KCNIP1: variants seen among roughly 807,000 people sequenced by gnomAD.
KCNIP1 encodes A-type potassium channel modulatory protein KCNIP1.
Under a neutral mutation model 33.0 loss-of-function variants are expected in KCNIP1, and 18 were observed. The observed-to-expected ratio is 0.55, with a 90% CI of 0.38 to 0.81. The LOEUF is 0.81. Among genes scored for constraint, KCNIP1 ranks in the 30% least tolerant of loss-of-function variants. The pLI is 0.00. For missense variants in KCNIP1, 238 were observed against 271.6 expected (o/e 0.88, Z 0.87); for synonymous variants, 93 against 98.3 (o/e 0.95, Z 0.32).
intron 5 of KCNIP1, among the ~76,000 whole-genome samples, chr5:170,732,173 C>A (rs142322427): frequency 1.6e-4 from 25 of 152,320 alleles, no homozygotes; most frequent in East Asian, 1.5e-3. Flanking sequence ...GAAACCAGGT[C>A]AAACATCCCA....
At chr5:170,694,083 G>C (rs934423469) in intron 1 of KCNIP1, among the ~76,000 whole-genome samples, 2 of 152,162 alleles carry the variant, frequency 1.3e-5, no homozygotes, top group Non-Finnish European at 2.9e-5. Flanking sequence ...AAGTGCTCCA[G>C]CCAAAGACCC....
At chr5:170,577,445 C>A (rs959626536) in intron 1 of KCNIP1, among the ~76,000 whole-genome samples, 1 of 152,158 alleles carries the variant, frequency 6.6e-6, no homozygotes, top group African/African-American at 2.4e-5. Flanking sequence ...AAAGCTGGAG[C>A]GGATGAGAAA....
intron 1 of KCNIP1, chr5:170,377,468 T>C (rs552204333): frequency 2.0e-5 from 3 of 152,358 alleles, no homozygotes; most frequent in Admixed American, 6.5e-5. Context: ...AAATCTGAGA[T>C]AGGCTTCCCC....
At chr5:170,728,755 G>A (rs969512430) in intron 5 of KCNIP1, among the ~76,000 whole-genome samples, 2 of 151,902 alleles carry the variant, frequency 1.3e-5, no homozygotes, top group African/African-American at 2.4e-5. Context: ...ATTTTATTTT[G>A]AATCAAAATG....
chr5:170,390,609 G>T (rs1177256975), intron 1 of KCNIP1, among the ~76,000 whole-genome samples: 1 of 150,014 alleles, frequency 6.7e-6, no homozygotes, highest in Non-Finnish European at 1.5e-5. Flanking sequence ...GTGGTAGAAG[G>T]CAGCTTATCT....
intron 1 of KCNIP1, among the ~76,000 whole-genome samples, chr5:170,384,820 T>G (rs1057147371): frequency 5.9e-5 from 9 of 152,258 alleles, no homozygotes; most frequent in Non-Finnish European, 2.9e-5. Context: ...AAGCAGATGC[T>G]GGCTCAATGC....
At chr5:170,444,987 T>C (rs907505781) in intron 1 of KCNIP1, among the ~76,000 whole-genome samples, 7 of 152,190 alleles carry the variant, frequency 4.6e-5, no homozygotes, top group Admixed American at 1.3e-4. Context: ...TCCAATTATT[T>C]TGATGGAAGT....
chr5:170,639,951 A>G (rs1760473433), intron 1 of KCNIP1, among the ~76,000 whole-genome samples: 1 of 152,282 alleles, frequency 6.6e-6, no homozygotes, highest in African/African-American at 2.4e-5. Flanking sequence ...TCAAGAAATC[A>G]GGAAGAACCT....
chr5:170,532,122 A>T (rs1755810036), intron 1 of KCNIP1, among the ~76,000 whole-genome samples: 1 of 152,220 alleles, frequency 6.6e-6, no homozygotes, highest in Admixed American at 6.5e-5. Flanking sequence ...ATTTAAGCTG[A>T]CCTAAATCCT....
intron 1 of KCNIP1, among the ~76,000 whole-genome samples, chr5:170,446,989 T>G (rs1158942875): frequency 2.6e-5 from 4 of 152,260 alleles, no homozygotes; most frequent in African/African-American, 7.2e-5. Context: ...TTAGGTTTAT[T>G]TTCATTCTTC....
chr5:170,391,916 C>A (rs987397654), intron 1 of KCNIP1, among the ~76,000 whole-genome samples: 2 of 152,316 alleles, frequency 1.3e-5, no homozygotes, highest in Middle Eastern at 6.8e-3. Context: ...ATTCCATGTG[C>A]CCTTTTCACA....
At chr5:170,592,054 A>G (rs1224864729) in intron 1 of KCNIP1, among the ~76,000 whole-genome samples, 1 of 152,212 alleles carries the variant, frequency 6.6e-6, no homozygotes, top group Non-Finnish European at 1.5e-5. Flanking sequence ...AGCATTTTAC[A>G]TTCCTACCAG....
chr5:170,512,024 G>A (rs1581257270), intron 1 of KCNIP1, among the ~76,000 whole-genome samples: 1 of 152,012 alleles, frequency 6.6e-6, no homozygotes, highest in African/African-American at 2.4e-5. Context: ...TCCCAACCCC[G>A]CCTCCCCCTA....
rs543860811 is a variant in KCNIP1, at chr5:170,651,240, C to T, written c.62-67518C>T. Among the ~76,000 whole-genome samples, 4 of 152,302 alleles carry T rather than the reference C, an allele frequency of 2.6e-5. No homozygotes were observed. The South Asian group carries it at 6.2e-4, about 24-fold the overall frequency. The stretch of plus-strand genomic sequence containing the variant: ...TCACCAAGAGAGGCAGTGGGTACCC[C>T]TCACAGGAGGGGTGCAAATCAAAGC... On this transcript the variant is annotated intron_variant, in intron 1 of 7. Coordinates refer to ENST00000328939, the MANE Select transcript of KCNIP1 (RefSeq NM_014592.4).
intron 1 of KCNIP1, among the ~76,000 whole-genome samples, chr5:170,434,818 G>C (rs557460811): frequency 1.8e-4 from 28 of 152,298 alleles, no homozygotes; most frequent in Admixed American, 1.4e-3. Flanking sequence ...AGCCGGGCGT[G>C]GTGGCACGAG....
At chr5:170,550,659 G>A (rs1256126886) in intron 1 of KCNIP1, among the ~76,000 whole-genome samples, 1 of 152,138 alleles carries the variant, frequency 6.6e-6, no homozygotes, top group Non-Finnish European at 1.5e-5. Flanking sequence ...TAACAGTGAT[G>A]ATGACAATGA....
intron 1 of KCNIP1, among the ~76,000 whole-genome samples, chr5:170,564,516 A>G (rs1293589321): frequency 6.6e-6 from 1 of 152,206 alleles, no homozygotes; most frequent in Non-Finnish European, 1.5e-5. Flanking sequence ...GCACAGGAAA[A>G]ACAGCTCAGA....
intron 1 of KCNIP1, among the ~76,000 whole-genome samples, chr5:170,700,128 C>T (rs941989279): frequency 5.9e-5 from 9 of 152,074 alleles, no homozygotes; most frequent in African/African-American, 2.2e-4. Context: ...ATCTCTAGAG[C>T]AGGCTTATCT....
At chr5:170,390,559 A>G (rs961748331) in intron 1 of KCNIP1, among the ~76,000 whole-genome samples, 3 of 139,424 alleles carry the variant, frequency 2.2e-5, no homozygotes, top group African/African-American at 8.4e-5. Context: ...AACAACAAAA[A>G]CAATCCCAGA....
Sources: allele counts gnomAD v4.1 joint callset (sites outside exome capture counted in the v4.1 genomes callset), GRCh38; gene constraint gnomAD v4.1.1; transcripts MANE v1.5; gene names NCBI Gene and HGNC (gene_info 2026-07-23, HGNC 2026-07-21).